Variants in GPR107 observed in about 807,000 individuals in gnomAD.
GPR107 encodes protein GPR107.
In GPR107, 31 loss-of-function variants were observed where a neutral mutation model predicts 75.5. That is an observed-to-expected ratio of 0.41 (90% CI 0.31 to 0.55). The LOEUF (loss-of-function observed/expected upper bound fraction) is 0.55, where lower values mean the gene tolerates loss of function less well. GPR107 is among the 20% of genes least tolerant of loss of function. The pLI, the probability that GPR107 is intolerant of heterozygous loss-of-function variation, is 0.26. For missense variants in GPR107, 572 were observed against 665.7 expected, an observed-to-expected ratio of 0.86 and a Z score of 1.55; for synonymous variants, 267 against 251.3, an observed-to-expected ratio of 1.06 and a Z score of -0.59.
At chr9:130,104,178 C>A (rs1033034003) in intron 12 of GPR107, among the ~76,000 whole-genome samples, 3 of 152,218 alleles carry the variant, frequency 2.0e-5, no homozygotes, top group African/African-American at 7.2e-5. Flanking sequence ...GGAAATCACA[C>A]AGCAGTACTT....
intron 1 of GPR107, among the ~76,000 whole-genome samples, chr9:130,061,866 C>T (rs771658836): frequency 6.6e-6 from 1 of 151,814 alleles, no homozygotes; most frequent in Non-Finnish European, 1.5e-5. Flanking sequence ...ACCACTTGAA[C>T]CTGGTAGGCC....
At chr9:130,132,606 G>A (rs1387297764) in intron 17 of GPR107, among the ~76,000 whole-genome samples, 5 of 152,074 alleles carry the variant, frequency 3.3e-5, no homozygotes, top group African/African-American at 1.2e-4. Flanking sequence ...CGCCAACATG[G>A]TGAAACCACA....
At chr9:130,119,057 C>T (rs528236866) in intron 14 of GPR107, among the ~76,000 whole-genome samples, 6 of 152,346 alleles carry the variant, frequency 3.9e-5, no homozygotes, top group Middle Eastern at 6.8e-3. Context: ...ACACCCAGCC[C>T]GCCACAGTCC....
At chr9:130,097,388 CAA>C (rs1830900845) in intron 9 of GPR107, among the ~76,000 whole-genome samples, 1 of 151,918 alleles carries the variant, frequency 6.6e-6, no homozygotes, top group South Asian at 2.1e-4. Flanking sequence ...CTCCTGGCCT[CAA>C]GAGATCCTCC....
rs186604113 is a variant in GPR107 at position 130,086,843 on chromosome 9, T to A, written c.621+367T>A. 1.8e-3 allele frequency among the ~76,000 whole-genome samples: 270 copies of A among 152,182 alleles called. 4 individuals are homozygous for A. Among genetic ancestry groups the A allele is most frequent in the Admixed American group, 0.017 (267 of 15,270 alleles). ...ATTCTGAAAGGACCATTGATGATGA[T>A]TTACGGTGATGTTGTAATTTTAGAG... On this transcript the variant is annotated intron_variant, in intron 7 of 17. Transcript: ENST00000347136.
Position 130,138,096 on chromosome 9 carries a change from A to G in GPR107, c.*2975A>G, listed in dbSNP as rs148435005. The G allele has an allele frequency of 2.6e-5, 4 of 152,300 alleles. No individual in the cohort carries two copies. Among genetic ancestry groups the G allele is most frequent in the East Asian group, 1.9e-4 (1 of 5,180 alleles). 9.4% of individuals were successfully genotyped at this position (152,300 alleles called of 1,614,324 possible). A position where few individuals can be genotyped will look rare whatever the true frequency, so the allele number is the denominator to read the frequency against. On this transcript the variant is annotated 3_prime_UTR_variant, in exon 18 of 18. Coordinates refer to ENST00000347136, the MANE Select transcript of GPR107 (RefSeq NM_020960.5). ...GAGTGGCCAAGGACTTGATCAGCCC[A>G]TTTCTTGGTCCCTCAGTGCTTTAAA...
At chr9:130,126,754 A>G (rs1268267821) in intron 15 of GPR107, among the ~76,000 whole-genome samples, 2 of 152,024 alleles carry the variant, frequency 1.3e-5, no homozygotes, top group East Asian at 1.9e-4. Flanking sequence ...GCAAGAGCAG[A>G]CACTCCACTT....
At chr9:130,060,402 G>A (rs1209178929) in intron 1 of GPR107, among the ~76,000 whole-genome samples, 1 of 75,906 alleles carries the variant, frequency 1.3e-5, no homozygotes, top group Non-Finnish European at 2.4e-5. Flanking sequence ...GATAATCCGA[G>A]TTTTTTTTTT....
At chr9:130,078,346 C>T (rs1830412047) in intron 4 of GPR107, among the ~76,000 whole-genome samples, 1 of 151,854 alleles carries the variant, frequency 6.6e-6, no homozygotes, top group Admixed American at 6.6e-5. Context: ...TTGAGATGAA[C>T]AAGACTGGAG....
At chr9:130,094,803 C>T (rs539635518) in intron 9 of GPR107, among the ~76,000 whole-genome samples, 1 of 152,126 alleles carries the variant, frequency 6.6e-6, no homozygotes, top group East Asian at 1.9e-4. Context: ...GCCTCAGCCT[C>T]CCGAGTAACT....
At chr9:130,090,031 C>T (rs1243671242) in intron 7 of GPR107, among the ~76,000 whole-genome samples, 1 of 152,196 alleles carries the variant, frequency 6.6e-6, no homozygotes, top group Non-Finnish European at 1.5e-5. Flanking sequence ...GTCTCCCTCG[C>T]AGTCCTTCCC....
chr9:130,085,754 A>AGTTTTTTTTTTTTTTTTT (rs1830598089), intron 6 of GPR107, among the ~76,000 whole-genome samples: 1 of 78,674 alleles, frequency 1.3e-5, no homozygotes, highest in Non-Finnish European at 2.4e-5. Context: ...CAATATTTTG[A>AGTTTTTTTTTTTTTTTTT]TTTTTTTTTT....
intron 14 of GPR107, among the ~76,000 whole-genome samples, chr9:130,111,996 T>C (rs1831316701): frequency 6.6e-6 from 1 of 152,176 alleles, no homozygotes; most frequent in Non-Finnish European, 1.5e-5. Flanking sequence ...TCTCGCCTGC[T>C]AAGATTTACT....
intron 1 of GPR107, among the ~76,000 whole-genome samples, chr9:130,055,248 A>G (rs1244790056): frequency 6.6e-6 from 1 of 151,838 alleles, no homozygotes; most frequent in Admixed American, 6.6e-5. Flanking sequence ...CAGGCAGATC[A>G]CGAGGTGAGG....
rs1355561534 is a variant in GPR107 at position 130,112,253 on chromosome 9, G to A, written c.1306+4714G>A. 6.6e-6 allele frequency among the ~76,000 whole-genome samples: 1 copy of A among 152,212 alleles called. No homozygotes were observed. Among genetic ancestry groups the A allele is most frequent in the Admixed American group, 6.5e-5 (1 of 15,280 alleles). ...TTGGCTGGCTGCAGAGTTGATGGAG[G>A]AACGGCTTCATTCCGAGGTGCCGCC... On this transcript the variant is annotated intron_variant, in intron 14 of 17. Transcript: ENST00000347136. The surrounding 1 kb of genome is among the most constrained non-coding windows in gnomAD (Gnocchi z 4.0).
chr9:130,133,612 T>C (rs1478278599), intron 17 of GPR107, among the ~76,000 whole-genome samples: 2 of 152,226 alleles, frequency 1.3e-5, no homozygotes, highest in African/African-American at 4.8e-5. Context: ...CTGGGGCAAG[T>C]GTCTTCCTAA....
chr9:130,109,633 G>A (rs1242616866), intron 14 of GPR107, among the ~76,000 whole-genome samples: 4 of 146,414 alleles, frequency 2.7e-5, no homozygotes, highest in African/African-American at 7.6e-5. Flanking sequence ...GCAGTGATGC[G>A]ATCTCAGCTC....
In GPR107 at chr9:130,136,637, G is replaced by A. The variant is rs1831964068; in HGVS notation, c.*1516G>A. ...GGGTCACACTCACTGTCCCAAGTTT[G>A]GGAACCTGAAAAAGTCTCCATTCAG... On this transcript the variant is annotated 3_prime_UTR_variant, in exon 18 of 18. Coordinates refer to ENST00000347136, the MANE Select transcript of GPR107 (RefSeq NM_020960.5). 1 of 152,168 alleles carries A rather than the reference G, an allele frequency of 6.6e-6. No homozygotes were observed. Among genetic ancestry groups the A allele is most frequent in the East Asian group, 1.9e-4 (1 of 5,194 alleles). 9.4% of individuals were successfully genotyped at this position (152,168 alleles called of 1,614,324 possible).
chr9:130,127,611 G>A (rs1227086533), intron 16 of GPR107, 45 bp downstream of exon 16: 8 of 1,018,524 alleles, frequency 7.9e-6, no homozygotes, highest in South Asian at 1.3e-5. Context: ...TATGCCTGAG[G>A]ATAAAGTCTT....
Sources: gnomAD v4.1 joint callset for allele counts (sites outside exome capture counted in the v4.1 genomes callset) on GRCh38, gnomAD v4.1.1 for gene constraint, Gnocchi (gnomAD v3.1) non-coding constraint, MANE v1.5 for transcripts, NCBI Gene and HGNC (gene_info 2026-07-23, HGNC 2026-07-21) for gene names.